The following SNTG1 variants were observed in gnomAD, a reference collection of about 807,000 sequenced individuals.
SNTG1 encodes gamma-1-syntrophin.
A neutral mutation model predicts 74.7 loss-of-function variants in SNTG1; 39 were observed. The ratio of observed to expected loss-of-function variants is 0.52; its 90% CI spans 0.40 to 0.68. SNTG1 has a LOEUF of 0.68. Among genes scored for constraint, SNTG1 ranks in the 30% least tolerant of loss-of-function variants. The probability of loss-of-function intolerance (pLI) is 0.00; values close to 1 mark genes in which losing one functional copy is unlikely to be tolerated. For missense variants in SNTG1, 685 were observed against 609.5 expected, an observed-to-expected ratio of 1.12 and a Z score of -1.30; for synonymous variants, 254 against 217.1, an observed-to-expected ratio of 1.17 and a Z score of -1.49.
At chr8:50,550,693 G>GTGTGTGTA (rs1554571332) in intron 11 of SNTG1, among the ~76,000 whole-genome samples, 1 of 149,028 alleles carries the variant, frequency 6.7e-6, no homozygotes, top group Admixed American at 6.7e-5. Context: ...TAGTGTGTGT[G>GTGTGTGTA]TATATATATA....
intron 2 of SNTG1, among the ~76,000 whole-genome samples, chr8:50,376,750 T>TAGAGAGAGAGAGAG (rs1347321799): frequency 2.9e-5 from 3 of 102,780 alleles, no homozygotes; most frequent in Non-Finnish European, 6.6e-5. Flanking sequence ...TATATATATA[T>TAGAGAGAGAGAGAG]ATATATAGAG....
chr8:50,461,725 T>TTGTG (rs2093564510), intron 8 of SNTG1, among the ~76,000 whole-genome samples: 1 of 50,928 alleles, frequency 2.0e-5, no homozygotes, highest in East Asian at 6.4e-4. Flanking sequence ...TTGTTATTGT[T>TTGTG]TGTTTGTTTG....
chr8:50,105,490 T>C (rs2080332217), intron 1 of SNTG1, among the ~76,000 whole-genome samples: 1 of 151,576 alleles, frequency 6.6e-6, no homozygotes, highest in Non-Finnish European at 1.5e-5. Flanking sequence ...TTTTGTTTTG[T>C]TTTGTTTTTT....
At chr8:49,968,689 T>C (rs138022944) in intron 1 of SNTG1, among the ~76,000 whole-genome samples, 76 of 152,264 alleles carry the variant, frequency 5.0e-4, no homozygotes, top group African/African-American at 1.6e-3. Context: ...TTCTTCCAGA[T>C]AGACCAAAGC....
intron 1 of SNTG1, among the ~76,000 whole-genome samples, chr8:50,105,096 A>G (rs1457043354): frequency 6.6e-6 from 1 of 151,982 alleles, no homozygotes; most frequent in Non-Finnish European, 1.5e-5. Flanking sequence ...TGGCATCTGC[A>G]TCTTGAAATC....
chr8:50,700,006 A>C (rs945849387), intron 15 of SNTG1, among the ~76,000 whole-genome samples: 3 of 152,192 alleles, frequency 2.0e-5, no homozygotes, highest in Admixed American at 2.0e-4. Flanking sequence ...AGGATTACCT[A>C]TTAATAAATA....
At chr8:50,644,861 C>T (rs2095097247) in intron 13 of SNTG1, among the ~76,000 whole-genome samples, 1 of 151,430 alleles carries the variant, frequency 6.6e-6, no homozygotes, top group South Asian at 2.1e-4. Flanking sequence ...TACTCTCTTG[C>T]CTTTTGTAGG....
At chr8:50,628,453 C>G (rs573420614) in intron 13 of SNTG1, among the ~76,000 whole-genome samples, 1 of 152,136 alleles carries the variant, frequency 6.6e-6, no homozygotes, top group African/African-American at 2.4e-5. Flanking sequence ...TTTAGGGTCA[C>G]TAATGATGTA....
At chr8:50,149,491 G>C (rs201041922) in intron 1 of SNTG1, among the ~76,000 whole-genome samples, 2 of 152,018 alleles carry the variant, frequency 1.3e-5, no homozygotes, top group Non-Finnish European at 2.9e-5. Flanking sequence ...AATAGTATTG[G>C]CTAGGTTTTC....
chr8:50,171,348 A>G (rs1359024195), intron 1 of SNTG1, among the ~76,000 whole-genome samples: 1 of 152,170 alleles, frequency 6.6e-6, no homozygotes, highest in Admixed American at 6.6e-5. Flanking sequence ...TTGAGTCCCA[A>G]AGCTGAAGAA....
intron 1 of SNTG1, among the ~76,000 whole-genome samples, chr8:50,072,279 A>C (rs188011539): frequency 6.6e-6 from 1 of 152,354 alleles, no homozygotes; most frequent in Non-Finnish European, 1.5e-5. Flanking sequence ...AAATGAGAAT[A>C]CATATGAATG....
chr8:50,042,549 A>T (rs917942625), intron 1 of SNTG1, among the ~76,000 whole-genome samples: 1 of 152,058 alleles, frequency 6.6e-6, no homozygotes, highest in African/African-American at 2.4e-5. Context: ...TGACAGACAG[A>T]GACGGTCTTT....
intron 11 of SNTG1, among the ~76,000 whole-genome samples, chr8:50,539,520 G>A (rs1036930591): frequency 6.6e-6 from 1 of 152,162 alleles, no homozygotes; most frequent in Non-Finnish European, 1.5e-5. Context: ...ACGGATAGGT[G>A]AGGGCAACTA....
chr8:49,958,621 A>G (rs143463697), intron 1 of SNTG1, among the ~76,000 whole-genome samples: 1,565 of 152,184 alleles, frequency 0.01, 34 homozygotes, highest in African/African-American at 0.034. Context: ...AGGTTTCACC[A>G]TGTTGGCCAG....
At chr8:50,613,746 A>G (rs943629538) in intron 13 of SNTG1, among the ~76,000 whole-genome samples, 1 of 151,242 alleles carries the variant, frequency 6.6e-6, no homozygotes, top group Admixed American at 6.6e-5. Context: ...TCTTCTTTTT[A>G]GAAGAAGTTT....
intron 1 of SNTG1, among the ~76,000 whole-genome samples, chr8:50,152,609 G>C (rs955212521): frequency 1.2e-4 from 18 of 152,062 alleles, no homozygotes; most frequent in African/African-American, 3.6e-4. Context: ...CTGGTGGTGA[G>C]AAAATCTCTC....
At chr8:50,299,542 G>A (rs2089549707) in intron 2 of SNTG1, among the ~76,000 whole-genome samples, 1 of 152,010 alleles carries the variant, frequency 6.6e-6, no homozygotes, top group African/African-American at 2.4e-5. Context: ...TGAAATATTT[G>A]AGTCACATGT....
intron 18 of SNTG1, among the ~76,000 whole-genome samples, chr8:50,777,669 T>G (rs1486750883): frequency 6.6e-6 from 1 of 151,676 alleles, no homozygotes; most frequent in African/African-American, 2.4e-5. Context: ...TGAGTTTTCT[T>G]TTTTTCTCTC....
In SNTG1 at chr8:50,149,941, G is replaced by C. The variant is rs577209523; in HGVS notation, c.-102-22620G>C. Among the ~76,000 whole-genome samples the C allele has an allele frequency of 6.6e-5, 10 of 152,246 alleles. 1 individual carries two copies. Among genetic ancestry groups the C allele is most frequent in the African/African-American group, 2.2e-4 (9 of 41,538 alleles). The stretch of plus-strand genomic sequence containing the variant: ...TCCAATTCTGTGAAGAAAGTCATTG[G>C]TAGCTTGATGGGGATGGCATTGAAT... On this transcript the variant is annotated intron_variant, in intron 1 of 18. Coordinates refer to ENST00000642720, the MANE Select transcript of SNTG1 (RefSeq NM_018967.5).
Sources: allele counts gnomAD v4.1 joint callset (sites outside exome capture counted in the v4.1 genomes callset), GRCh38; gene constraint gnomAD v4.1.1; transcripts MANE v1.5; gene names NCBI Gene and HGNC (gene_info 2026-07-23, HGNC 2026-07-21).